CTNNA3: variants seen among roughly 807,000 people sequenced by gnomAD.
The protein encoded by CTNNA3 is catenin alpha 3, also known as catenin alpha-3.
A neutral mutation model predicts 95.7 loss-of-function variants in CTNNA3; 76 were observed. That is an observed-to-expected ratio of 0.79 (90% CI 0.66 to 0.96). The LOEUF is 0.96. Ranked by LOEUF, CTNNA3 falls within the 40% of genes least tolerant of loss-of-function variation. CTNNA3 has a pLI of 0.00. For synonymous variants in CTNNA3, 431 were observed against 374.4 expected, an observed-to-expected ratio of 1.15 and a Z score of -1.74; for missense variants, 1,191 against 1,089.8, an observed-to-expected ratio of 1.09 and a Z score of -1.31.
chr10:66,609,009 C>T (rs148597755), intron 10 of CTNNA3, among the ~76,000 whole-genome samples: 1 of 152,030 alleles, frequency 6.6e-6, no homozygotes, highest in Admixed American at 6.6e-5. Context: ...AGAAAACTTA[C>T]AGAATGGGAG....
intron 5 of CTNNA3, among the ~76,000 whole-genome samples, chr10:67,330,314 G>A (rs1020194140): frequency 1.1e-4 from 17 of 152,166 alleles, no homozygotes; most frequent in Non-Finnish European, 2.2e-4. Context: ...GTAGGAGGCA[G>A]CATGAAGCAG....
At chr10:66,592,102 A>C in intron 10 of CTNNA3, among the ~76,000 whole-genome samples, 1 of 64,142 alleles carries the variant, frequency 1.6e-5, no homozygotes, top group East Asian at 1.4e-3. Context: ...TAGCTTGGCA[A>C]AAAAAAAAAA....
chr10:66,885,003 T>C (rs988248083), intron 7 of CTNNA3, among the ~76,000 whole-genome samples: 31 of 152,132 alleles, frequency 2.0e-4, no homozygotes, highest in Admixed American at 1.8e-3. Context: ...GGTTATTACA[T>C]AGCTTGACAG....
At chr10:67,029,778 A>G (rs1043902845) in intron 7 of CTNNA3, among the ~76,000 whole-genome samples, 1 of 152,206 alleles carries the variant, frequency 6.6e-6, no homozygotes, top group African/African-American at 2.4e-5. Context: ...GTGATGTCCA[A>G]TAGGGTAGCC....
chr10:67,482,477 G>T (rs1432987207), intron 5 of CTNNA3, among the ~76,000 whole-genome samples: 15 of 151,798 alleles, frequency 9.9e-5, no homozygotes, highest in Admixed American at 3.3e-4. Flanking sequence ...CCCTTGTAAG[G>T]TGGATTCCTA....
chr10:67,132,654 G>T (rs1419884408), intron 7 of CTNNA3, among the ~76,000 whole-genome samples: 1 of 151,872 alleles, frequency 6.6e-6, no homozygotes, highest in African/African-American at 2.4e-5. Flanking sequence ...AAATATATTA[G>T]GCAAGGAACC....
At chr10:66,493,596 A>G (rs1223948274) in intron 11 of CTNNA3, among the ~76,000 whole-genome samples, 3 of 124,270 alleles carry the variant, frequency 2.4e-5, no homozygotes, top group African/African-American at 1.1e-4. Context: ...ATTTAACTAC[A>G]GTATTTTTTT....
rs111914358 is a variant in CTNNA3 at position 67,254,834 on chromosome 10, G to A, written c.580-34964C>T. Among the ~76,000 whole-genome samples the A allele has an allele frequency of 3.7e-3, 559 of 152,220 alleles. 4 individuals are homozygous for A. Among genetic ancestry groups the A allele is most frequent in the African/African-American group, 0.013 (534 of 41,532 alleles). On this transcript the variant is annotated intron_variant, in intron 5 of 17. Coordinates refer to ENST00000433211, the MANE Select transcript of CTNNA3 (RefSeq NM_013266.4). Reference sequence around the variant, plus strand: ...GTGGGTAGTAGGCTATACCTTCTAGGTTTGTATAAGTACACTCTATGCTGT... The same window carrying A: ...GTGGGTAGTAGGCTATACCTTCTAGATTTGTATAAGTACACTCTATGCTGT...
chr10:66,676,421 A>G (rs937025196), intron 9 of CTNNA3, among the ~76,000 whole-genome samples: 1 of 152,036 alleles, frequency 6.6e-6, no homozygotes, highest in African/African-American at 2.4e-5. Flanking sequence ...AGCAAGAGAG[A>G]AAAAAATTCT....
At position 66,563,675 on chromosome 10, in the gene CTNNA3, C is replaced by A. The variant is rs137859320; in HGVS notation, c.1375-42902G>T. On this transcript the variant is annotated intron_variant, in intron 10 of 17. Transcript: ENST00000433211. ...AAAGATAAAAGGTCTACATACCCCCCTCACAATTTGCCCACAAGGAAATTC... is the reference window on the plus strand; with the variant it reads ...AAAGATAAAAGGTCTACATACCCCCATCACAATTTGCCCACAAGGAAATTC... 4.5e-3 allele frequency among the ~76,000 whole-genome samples: 679 copies of A among 152,132 alleles called. 6 individuals carry two copies. The highest frequency in any genetic ancestry group is 0.015 in the African/African-American group (629 of 41,510).
chr10:67,611,422 G>A (rs1041331928), intron 2 of CTNNA3, among the ~76,000 whole-genome samples: 5 of 151,490 alleles, frequency 3.3e-5, no homozygotes, highest in East Asian at 1.9e-4. Flanking sequence ...CACACCATTC[G>A]CCTGCCTCAG....
rs181461577 is a variant in CTNNA3 at position 67,282,905 on chromosome 10, A to C, written c.580-63035T>G. 2.3e-3 allele frequency among the ~76,000 whole-genome samples: 344 copies of C among 152,308 alleles called. 2 individuals carry two copies. The highest frequency in any genetic ancestry group is 7.9e-3 in the African/African-American group (328 of 41,568). On this transcript the variant is annotated intron_variant, in intron 5 of 17. Coordinates refer to ENST00000433211, the MANE Select transcript of CTNNA3 (RefSeq NM_013266.4). ...ATGAAAACTAGAATCTCTCTTCCCC[A>C]AGGTGGGTCATAGAAAGCAGGACCC... is the stretch of plus-strand genomic sequence containing the variant.
At chr10:66,129,538 G>A (rs764865596) in intron 13 of CTNNA3, among the ~76,000 whole-genome samples, 3 of 152,154 alleles carry the variant, frequency 2.0e-5, no homozygotes, top group Non-Finnish European at 4.4e-5. Context: ...TTAGCCATAG[G>A]AGAACTGTTG....
chr10:67,443,195 T>C (rs1361009509), intron 5 of CTNNA3, among the ~76,000 whole-genome samples: 1 of 151,018 alleles, frequency 6.6e-6, no homozygotes, highest in Non-Finnish European at 1.5e-5. Flanking sequence ...CAGTCTATCG[T>C]TGTTGGACAT....
chr10:67,208,994 T>TAA (rs991988145), intron 6 of CTNNA3, among the ~76,000 whole-genome samples: 22 of 152,148 alleles, frequency 1.4e-4, no homozygotes, highest in African/African-American at 5.3e-4. Context: ...CAGGAAGTCA[T>TAA]AGGAGTCAAG....
chr10:66,876,679 C>A (rs1238553069), intron 7 of CTNNA3, among the ~76,000 whole-genome samples: 1 of 132,556 alleles, frequency 7.5e-6, no homozygotes, highest in African/African-American at 2.8e-5. Flanking sequence ...AAATTCGGCC[C>A]TAACAATGTT....
chr10:67,691,029 T>A (rs532066701), intron 1 of CTNNA3, among the ~76,000 whole-genome samples: 1 of 152,218 alleles, frequency 6.6e-6, no homozygotes, highest in African/African-American at 2.4e-5. Context: ...GTGCCTGCGA[T>A]TGCAGGCGCG....
At position 67,710,969 on chromosome 10, in the gene CTNNA3, G is replaced by T. The variant is rs980129446; in HGVS notation, c.-2+52465C>A. Among the ~76,000 whole-genome samples the T allele has an allele frequency of 2.6e-5, 4 of 152,160 alleles. No individual in the cohort carries two copies. The South Asian group carries it at 8.3e-4, about 32-fold the overall frequency. ...GGAGGTATTTGAATCATGGGGGCAGGTCTTTCCAGTGCTGTTCTCATGACA... is the reference window on the plus strand; with the variant it reads ...GGAGGTATTTGAATCATGGGGGCAGTTCTTTCCAGTGCTGTTCTCATGACA... On this transcript the variant is annotated intron_variant, in intron 1 of 17. Transcript: ENST00000684154.
At chr10:66,332,696 G>T (rs1220868266) in intron 12 of CTNNA3, among the ~76,000 whole-genome samples, 1 of 151,838 alleles carries the variant, frequency 6.6e-6, no homozygotes, top group East Asian at 1.9e-4. Flanking sequence ...CTCTTTTTTT[G>T]TAGTGTCTCT....
Sources: gnomAD v4.1 joint callset for allele counts (sites outside exome capture counted in the v4.1 genomes callset) on GRCh38, gnomAD v4.1.1 for gene constraint, MANE v1.5 for transcripts, NCBI Gene and HGNC (gene_info 2026-07-23, HGNC 2026-07-21) for gene names.